Variants in EPSTI1 observed in about 807,000 individuals in gnomAD.
EPSTI1 encodes the protein epithelial-stromal interaction protein 1.
A neutral mutation model predicts 49.9 loss-of-function variants in EPSTI1; 66 were observed. The ratio of observed to expected loss-of-function variants is 1.32; its 90% confidence interval spans 1.08 to 1.62. The LOEUF (loss-of-function observed/expected upper bound fraction) is 1.62, where lower values mean the gene tolerates loss of function less well. EPSTI1 is among the 40% of genes most tolerant of loss of function. EPSTI1 has a pLI of 0.00. For missense variants in EPSTI1, 394 were observed against 365.5 expected, an observed-to-expected ratio of 1.08 and a Z score of -0.64; for synonymous variants, 137 against 130.7, an observed-to-expected ratio of 1.05 and a Z score of -0.33.
At chr13:42,896,701 A>G (rs9562437) in intron 9 of EPSTI1, among the ~76,000 whole-genome samples, 78,216 of 151,962 alleles carry the variant, frequency 0.51, 20,846 homozygotes, top group East Asian at 0.79. Flanking sequence ...ATTCTCCCAC[A>G]GCTTCCCATT....
chr13:42,890,238 T>G (rs902410100), intron 10 of EPSTI1, among the ~76,000 whole-genome samples: 4 of 152,016 alleles, frequency 2.6e-5, no homozygotes, highest in African/African-American at 9.7e-5. Flanking sequence ...AAGGTATAAC[T>G]CTCCATTTAT....
chr13:42,889,281 C>A, intron 10 of EPSTI1: 1 of 1,222,788 alleles, frequency 8.2e-7, no homozygotes, highest in Non-Finnish European at 1.1e-6. Flanking sequence ...CATATAAAAG[C>A]AATTATTGAA....
At chr13:42,936,663 C>T (rs2038575159) in intron 6 of EPSTI1, among the ~76,000 whole-genome samples, 1 of 152,148 alleles carries the variant, frequency 6.6e-6, no homozygotes, top group South Asian at 2.1e-4. Flanking sequence ...GTGACTTTGT[C>T]CACTTTTATG....
At chr13:42,977,127 A>G (rs1449166657) in intron 1 of EPSTI1, among the ~76,000 whole-genome samples, 2 of 152,232 alleles carry the variant, frequency 1.3e-5, no homozygotes, top group Admixed American at 1.3e-4. Context: ...GAAAACACTA[A>G]CAGTCCTCTG....
At chr13:42,930,564 T>C (rs1397069726) in intron 6 of EPSTI1, among the ~76,000 whole-genome samples, 1 of 152,160 alleles carries the variant, frequency 6.6e-6, no homozygotes, top group Non-Finnish European at 1.5e-5. Flanking sequence ...TGAAAGTGAG[T>C]AGTAATGCTG....
chr13:42,889,092 T>A, intron 10 of EPSTI1: 1 of 815,844 alleles, frequency 1.2e-6, no homozygotes. Context: ...TCATTGGTCA[T>A]AGGAAATGCT....
chr13:42,986,786 A>ATCTCAGTT (rs1203581943), intron 1 of EPSTI1, among the ~76,000 whole-genome samples: 1 of 147,258 alleles, frequency 6.8e-6, no homozygotes, highest in Non-Finnish European at 1.5e-5. Flanking sequence ...TTGCAGCCCC[A>ATCTCAGTT]TCTCAGTTTC....
intron 8 of EPSTI1, among the ~76,000 whole-genome samples, chr13:42,915,439 G>A (rs953954392): frequency 6.6e-6 from 1 of 152,196 alleles, no homozygotes; most frequent in Non-Finnish European, 1.5e-5. Context: ...GGCTGAGGCA[G>A]GAGAATCACT....
intron 8 of EPSTI1, among the ~76,000 whole-genome samples, chr13:42,902,031 T>C (rs1276418433): frequency 6.6e-6 from 1 of 151,938 alleles, no homozygotes; most frequent in Non-Finnish European, 1.5e-5. Context: ...GGTTTTTTGT[T>C]CTTGCGATAG....
intron 4 of EPSTI1, 182 bp from the exon 5 acceptor site, chr13:42,963,520 C>T (rs556202756): frequency 8.6e-6 from 5 of 579,840 alleles, no homozygotes; most frequent in East Asian, 2.9e-5. Flanking sequence ...GTCTTCTGCC[C>T]GTGAAATTTC....
intron 1 of EPSTI1, among the ~76,000 whole-genome samples, chr13:42,976,714 A>C (rs2039888948): frequency 6.6e-6 from 1 of 152,226 alleles, no homozygotes; most frequent in Admixed American, 6.5e-5. Flanking sequence ...AACACTTAGA[A>C]ATGAAATTCA....
At chr13:42,946,974 T>G (rs1348623781) in intron 6 of EPSTI1, among the ~76,000 whole-genome samples, 1 of 152,166 alleles carries the variant, frequency 6.6e-6, no homozygotes, top group African/African-American at 2.4e-5. Flanking sequence ...ACAAAGCCAG[T>G]TCCCTGTGCC....
chr13:42,911,650 A>G (rs1027310457), intron 8 of EPSTI1, among the ~76,000 whole-genome samples: 6 of 152,152 alleles, frequency 3.9e-5, no homozygotes, highest in African/African-American at 1.4e-4. Flanking sequence ...TTCCAAATCT[A>G]TGGTTCTAGT....
At chr13:42,918,636 GA>G (rs2037905787) in intron 7 of EPSTI1, among the ~76,000 whole-genome samples, 1 of 152,132 alleles carries the variant, frequency 6.6e-6, no homozygotes, top group South Asian at 2.1e-4. Flanking sequence ...CCACTTCCCA[GA>G]AAAAGAGAGA....
At chr13:42,968,987 C>T (rs2039696547) in intron 3 of EPSTI1, 107 bp downstream of exon 3, 6 of 1,036,684 alleles carry the variant, frequency 5.8e-6, no homozygotes, top group Non-Finnish European at 7.3e-6. Context: ...AGCACAATGA[C>T]CAAACAAACT....
chr13:42,926,802 T>C (rs1290309313), intron 6 of EPSTI1, among the ~76,000 whole-genome samples: 1 of 152,116 alleles, frequency 6.6e-6, no homozygotes, highest in Non-Finnish European at 1.5e-5. Flanking sequence ...GGTGGAGCTG[T>C]GGAACATTCA....
intron 3 of EPSTI1, among the ~76,000 whole-genome samples, chr13:42,964,762 A>G (rs34439764): frequency 0.15 from 23,002 of 152,190 alleles, 2,044 homozygotes; most frequent in South Asian, 0.24. Flanking sequence ...TAGATTATTT[A>G]CTTGCTCTCT....
intron 10 of EPSTI1, among the ~76,000 whole-genome samples, chr13:42,891,542 T>C (rs2037035178): frequency 6.6e-6 from 1 of 152,248 alleles, no homozygotes; most frequent in African/African-American, 2.4e-5. Flanking sequence ...TTAATTCTTT[T>C]TGAAGTCTGC....
At chr13:42,918,243 G>A (rs572437899) in intron 7 of EPSTI1, among the ~76,000 whole-genome samples, 9 of 152,020 alleles carry the variant, frequency 5.9e-5, no homozygotes, top group South Asian at 2.1e-4. Context: ...AATGCCCTTC[G>A]GTGTCTCTGA....
Sources: gnomAD v4.1 joint callset for allele counts (sites outside exome capture counted in the v4.1 genomes callset) on GRCh38, gnomAD v4.1.1 for gene constraint, MANE v1.5 for transcripts, NCBI Gene and HGNC (gene_info 2026-07-23, HGNC 2026-07-21) for gene names.